The following RIMS1 variants were observed in gnomAD, a reference collection of about 807,000 sequenced individuals.
RIMS1 encodes the protein regulating synaptic membrane exocytosis protein 1.
Under a neutral mutation model 214.1 loss-of-function variants are expected in RIMS1, and 83 were observed. That is an observed-to-expected ratio of 0.39 (90% CI 0.32 to 0.47). The LOEUF is 0.47. Among genes scored for constraint, RIMS1 ranks in the 20% least tolerant of loss-of-function variants. The pLI is 0.99. For synonymous variants in RIMS1, 793 were observed against 786.8 expected (o/e 1.01, Z -0.13); for missense variants, 2,050 against 2,161.8 (o/e 0.95, Z 1.03).
At chr6:72,385,834 T>G (rs942669181) in intron 29 of RIMS1, among the ~76,000 whole-genome samples, 74 of 152,298 alleles carry the variant, frequency 4.9e-4, no homozygotes, top group African/African-American at 1.7e-3. Context: ...CCCTTATGAA[T>G]TTAAACAAGG....
intron 26 of RIMS1, 121 bp downstream of exon 26, chr6:72,292,167 T>A (rs75818750): frequency 0.013 from 8,503 of 660,072 alleles, 78 homozygotes; most frequent in Non-Finnish European, 0.017. Context: ...TCCTAAAAAT[T>A]TGATTTTCTT....
intron 2 of RIMS1, among the ~76,000 whole-genome samples, chr6:71,973,200 G>A (rs150014191): frequency 2.1e-3 from 320 of 152,290 alleles, no homozygotes; most frequent in African/African-American, 6.5e-3. Flanking sequence ...GAGCCACTGC[G>A]CCCGGACAGT....
chr6:72,038,415 G>A (rs1183008396), intron 2 of RIMS1, among the ~76,000 whole-genome samples: 1 of 151,894 alleles, frequency 6.6e-6, no homozygotes, highest in African/African-American at 2.4e-5. Flanking sequence ...TCATAATTCA[G>A]TGCAATGTTT....
At chr6:72,316,537 C>A (rs1369574094) in intron 28 of RIMS1, 1 of 381,304 alleles carries the variant, frequency 2.6e-6, no homozygotes, top group Non-Finnish European at 5.1e-6. Flanking sequence ...GGCCTTGGCT[C>A]CCTATCAAGA....
At chr6:72,282,097 C>T (rs1482440373) in intron 23 of RIMS1, among the ~76,000 whole-genome samples, 2 of 152,026 alleles carry the variant, frequency 1.3e-5, no homozygotes, top group Non-Finnish European at 2.9e-5. Flanking sequence ...TCCTGAATCT[C>T]TCCACTCTCA....
chr6:71,966,101 T>G (rs1794369765), intron 1 of RIMS1, among the ~76,000 whole-genome samples: 1 of 152,178 alleles, frequency 6.6e-6, no homozygotes. Context: ...AAAGAAATGG[T>G]AATCCACACA....
At chr6:72,358,644 T>C (rs1228179569) in intron 29 of RIMS1, among the ~76,000 whole-genome samples, 1 of 152,170 alleles carries the variant, frequency 6.6e-6, no homozygotes, top group Non-Finnish European at 1.5e-5. Context: ...GGTTTTGAAA[T>C]ACTTATATTC....
intron 29 of RIMS1, among the ~76,000 whole-genome samples, chr6:72,347,414 A>C (rs1312914366): frequency 6.6e-6 from 1 of 151,702 alleles, no homozygotes; most frequent in African/African-American, 2.4e-5. Flanking sequence ...AGTCCCCCTC[A>C]CTGCAGTCTG....
At chr6:72,309,852 C>T (rs2095423205) in intron 27 of RIMS1, among the ~76,000 whole-genome samples, 1 of 151,790 alleles carries the variant, frequency 6.6e-6, no homozygotes, top group Admixed American at 6.6e-5. Flanking sequence ...AAATACTCTC[C>T]ACATCTCTAA....
At chr6:72,152,181 C>T (rs1160177936) in intron 4 of RIMS1, among the ~76,000 whole-genome samples, 5 of 152,138 alleles carry the variant, frequency 3.3e-5, no homozygotes, top group Admixed American at 6.5e-5. Context: ...GGGTTGGATG[C>T]GAAATGCTCA....
At chr6:72,367,432 A>AT (rs1324445132) in intron 29 of RIMS1, among the ~76,000 whole-genome samples, 2 of 152,074 alleles carry the variant, frequency 1.3e-5, no homozygotes, top group Non-Finnish European at 2.9e-5. Flanking sequence ...TTTGCCTTTT[A>AT]TTTTGTTATT....
At chr6:72,041,993 C>T (rs1351792292) in intron 2 of RIMS1, among the ~76,000 whole-genome samples, 7 of 151,884 alleles carry the variant, frequency 4.6e-5, no homozygotes, top group Admixed American at 1.3e-4. Context: ...CCTACTTCTC[C>T]CCATGATAGG....
In RIMS1 at chr6:72,307,320, A is replaced by G; in HGVS notation, c.3913A>G (p.Thr1305Ala). ...MKMKVHRFKQTTGSGSSQELD... is the reference protein window; with the variant it reads ...MKMKVHRFKQATGSGSSQELD... ...AATGAAAGTGCATCGATTTAAGCAG[A>G]CAACAGGGTCTGGTTCTAGTCAAGA... Residue 1305 changes from threonine to alanine, a missense_variant, in exon 27 of 34, where the codon ACA becomes GCA. Thr to Ala is a moderately conservative substitution (Grantham distance 58). This residue lies in a region of RIMS1 where 889 missense variants were observed against 885.5 expected (regional missense o/e 1.00). Coordinates refer to ENST00000521978, the MANE Select transcript of RIMS1 (RefSeq NM_014989.7). The G allele has an allele frequency of 1.2e-6, 2 of 1,606,534 alleles. No homozygotes were observed. Among genetic ancestry groups the G allele is most frequent in the Non-Finnish European group, 8.5e-7 (1 of 1,176,456 alleles).
intron 1 of RIMS1, among the ~76,000 whole-genome samples, chr6:71,915,622 G>A (rs1431630383): frequency 6.6e-6 from 1 of 152,122 alleles, no homozygotes; most frequent in African/African-American, 2.4e-5. Flanking sequence ...GCTGCTCTCT[G>A]ACTCAGTTTC....
chr6:72,212,987 T>C, intron 6 of RIMS1: 2 of 1,428,040 alleles, frequency 1.4e-6, no homozygotes, highest in Non-Finnish European at 1.8e-6. Context: ...CTGCTGGTCC[T>C]GTTGTTCAAT....
At chr6:72,074,279 A>G (rs1037920800) in intron 2 of RIMS1, among the ~76,000 whole-genome samples, 3 of 152,218 alleles carry the variant, frequency 2.0e-5, no homozygotes, top group Non-Finnish European at 2.9e-5. Flanking sequence ...GCTGGTATTC[A>G]TAGTTATTTT....
chr6:72,223,547 C>T (rs905933688), intron 6 of RIMS1, among the ~76,000 whole-genome samples: 1 of 151,964 alleles, frequency 6.6e-6, no homozygotes, highest in Non-Finnish European at 1.5e-5. Flanking sequence ...TAGAAAAGAT[C>T]AGTAAGGGGA....
At chr6:71,926,223 G>A (rs75367177) in intron 1 of RIMS1, among the ~76,000 whole-genome samples, 2,917 of 152,236 alleles carry the variant, frequency 0.019, 45 homozygotes, top group Non-Finnish European at 0.03. Context: ...GAGCCACTGC[G>A]CCCAGCCCTT....
intron 2 of RIMS1, among the ~76,000 whole-genome samples, chr6:71,984,848 C>G (rs545727576): frequency 6.6e-6 from 1 of 151,810 alleles, no homozygotes; most frequent in African/African-American, 2.4e-5. Flanking sequence ...TCATTATTGC[C>G]TATCCATCTA....
Sources: gnomAD v4.1 joint callset for allele counts (sites outside exome capture counted in the v4.1 genomes callset) on GRCh38, gnomAD v4.1.1 for gene constraint, gnomAD v4.1.1 regional missense constraint, MANE v1.5 for transcripts, NCBI Gene and HGNC (gene_info 2026-07-23, HGNC 2026-07-21) for gene names.